The following LAMA2 variants were observed in gnomAD, a reference collection of about 807,000 sequenced individuals.
The protein encoded by LAMA2 is laminin subunit alpha-2.
In LAMA2, 269 loss-of-function variants were observed where a neutral mutation model predicts 364.8. That is an observed-to-expected ratio of 0.74 (90% CI 0.67 to 0.82). The LOEUF (loss-of-function observed/expected upper bound fraction) is 0.82. Among genes scored for constraint, LAMA2 ranks in the 40% least tolerant of loss-of-function variants. LAMA2 has a pLI of 0.00. For synonymous variants in LAMA2, 1,379 were observed against 1,370.6 expected (o/e 1.01, Z -0.14); for missense variants, 3,807 against 3,873.2 (o/e 0.98, Z 0.45).
chr6:129,094,613 T>C (rs576217519), intron 3 of LAMA2, among the ~76,000 whole-genome samples: 12 of 152,324 alleles, frequency 7.9e-5, no homozygotes, highest in African/African-American at 2.9e-4. Flanking sequence ...ATAACCTTAG[T>C]GTAGTCTTAT....
chr6:128,893,208 G>A (rs1045247628), intron 1 of LAMA2, among the ~76,000 whole-genome samples: 3 of 151,726 alleles, frequency 2.0e-5, no homozygotes, highest in East Asian at 1.9e-4. Flanking sequence ...TGTAATGTTC[G>A]AATCTATTTC....
chr6:129,252,421 G>A (rs990262693), intron 14 of LAMA2, 126 bp downstream of exon 14: 1 of 697,904 alleles, frequency 1.4e-6, no homozygotes, highest in East Asian at 2.7e-5. Context: ...AGATAAGAAC[G>A]GAGCCCTAGT....
rs758005823 is a variant in LAMA2, at chr6:129,297,737, A to G, written c.2909A>G (p.Asn970Ser). ...SARGCVPCNC[N>S]SFGSKSFDCE... ...AGGGGCTGTGTTCCCTGCAACTGCA[A>G]TTCTTTTGGGTCTAAGTCATTCGAC... Residue 970 changes from asparagine (N) to serine (S), a missense_variant, in exon 21 of 65, where the codon AAT becomes AGT. Transcript: ENST00000421865. 4.3e-6 allele frequency: 7 copies of G among 1,613,972 alleles called. No individual in the cohort carries two copies. Among genetic ancestry groups the G allele is most frequent in the East Asian group, 2.2e-5 (1 of 44,888 alleles).
chr6:129,384,428 T>C (rs9483027), intron 35 of LAMA2, among the ~76,000 whole-genome samples: 2,806 of 152,250 alleles, frequency 0.018, 79 homozygotes, highest in African/African-American at 0.065. Flanking sequence ...ACCCAACACC[T>C]AGCAGCCCAT....
At chr6:129,290,360 A>G (rs1010188774) in intron 19 of LAMA2, among the ~76,000 whole-genome samples, 1 of 152,186 alleles carries the variant, frequency 6.6e-6, no homozygotes, top group African/African-American at 2.4e-5. Flanking sequence ...GCTATAGACT[A>G]TCCGTAGGCT....
intron 40 of LAMA2, among the ~76,000 whole-genome samples, chr6:129,416,400 G>T (rs1403652256): frequency 6.6e-6 from 1 of 151,906 alleles, no homozygotes; most frequent in Non-Finnish European, 1.5e-5. Context: ...AGAGCTGTTT[G>T]TTTTCTTACT....
At chr6:129,445,530 A>G in intron 44 of LAMA2, 137 bp from the exon 45 acceptor site, 4 of 729,772 alleles carry the variant, frequency 5.5e-6, no homozygotes, top group Admixed American at 4.5e-5. Flanking sequence ...GCCATCACAC[A>G]TTTTGCTTTA....
rs766874168 is a variant in LAMA2, at chr6:129,403,952, C to A, written c.5858C>A (p.Thr1953Lys). 7 of 1,613,712 alleles carry A rather than the reference C, an allele frequency of 4.3e-6. No individual in the cohort carries two copies. The African/African-American group carries it at 8.0e-5, about 18-fold the overall frequency. The part of the protein sequence containing the change: ...KEAKDLAHEA[T>K]KLATGPRGLL... The stretch of plus-strand genomic sequence containing the variant: ...GCCAAAGATCTTGCACATGAAGCTA[C>A]AAAACTGGTAAGAAACAAATGGCAC... Residue 1953 changes from threonine to lysine, a missense_variant, in exon 40 of 65, where the codon ACA becomes AAA. Around this residue, in one of 3 missense-constraint regions of LAMA2, gnomAD observed 3,333 missense variants for 3,345.7 expected, o/e 1.00. Transcript: ENST00000421865.
At chr6:129,492,292 TC>T in intron 57 of LAMA2, 22 bp from the exon 58 acceptor site, 1 of 1,608,910 alleles carries the variant, frequency 6.2e-7, no homozygotes, top group Non-Finnish European at 8.5e-7. Context: ...AATAAAAAAA[TC>T]TTATTTATTA....
intron 8 of LAMA2, chr6:129,157,622 C>T: frequency 6.2e-7 from 1 of 1,612,326 alleles, no homozygotes; most frequent in Non-Finnish European, 8.5e-7. Flanking sequence ...AGCATTCTGA[C>T]ATTAGCTTCA....
intron 1 of LAMA2, among the ~76,000 whole-genome samples, chr6:128,912,898 AT>A (rs1778074135): frequency 6.6e-6 from 1 of 152,212 alleles, no homozygotes; most frequent in South Asian, 2.1e-4. Flanking sequence ...CGATGGGCAG[AT>A]CAGGAAAAGA....
At chr6:129,421,383 A>G (rs1252019425) in intron 40 of LAMA2, among the ~76,000 whole-genome samples, 1 of 151,732 alleles carries the variant, frequency 6.6e-6, no homozygotes, top group Non-Finnish European at 1.5e-5. Flanking sequence ...CCAAGAATTT[A>G]TTGTTTAAAA....
chr6:129,189,486 C>T, intron 10 of LAMA2, among the ~76,000 whole-genome samples: 1 of 151,962 alleles, frequency 6.6e-6, no homozygotes, highest in Non-Finnish European at 1.5e-5. Context: ...AATAATTTTT[C>T]AGTATACTGA....
chr6:129,467,885 AT>A (rs1471475615), intron 51 of LAMA2, among the ~76,000 whole-genome samples: 1 of 151,776 alleles, frequency 6.6e-6, no homozygotes, highest in African/African-American at 2.4e-5. Context: ...AATAGGTCTA[AT>A]TTTTCCAGAT....
At chr6:129,219,743 C>G (rs1457584912) in intron 12 of LAMA2, among the ~76,000 whole-genome samples, 1 of 129,064 alleles carries the variant, frequency 7.7e-6, no homozygotes, top group African/African-American at 2.8e-5. Context: ...AAACAAACAC[C>G]ACATGTTCTC....
chr6:128,967,784 T>C (rs951167180), intron 1 of LAMA2, among the ~76,000 whole-genome samples: 1 of 152,098 alleles, frequency 6.6e-6, no homozygotes, highest in Non-Finnish European at 1.5e-5. Context: ...ATTCCGACTT[T>C]TACACCTCAG....
In LAMA2 at chr6:129,190,303, G is replaced by T; in HGVS notation, c.1566G>T (p.Gly522=). 1 of 1,613,614 alleles carries T rather than the reference G, an allele frequency of 6.2e-7. No homozygotes were observed. Among genetic ancestry groups the T allele is most frequent in the South Asian group, 1.1e-5 (1 of 91,076 alleles). ...WKGCDECFCS[G]VSNRCQSSYW... is the part of the protein sequence containing the mutation. Reference sequence around the variant, plus strand: ...GCTGCGATGAGTGTTTCTGTTCAGGGGTTTCAAACAGATGTCAGAGTTCCT... The same window carrying T: ...GCTGCGATGAGTGTTTCTGTTCAGGTGTTTCAAACAGATGTCAGAGTTCCT... Residue 522 remains glycine, a synonymous_variant, in exon 11 of 65, where the codon GGG becomes GGT. Coordinates refer to ENST00000421865, the MANE Select transcript of LAMA2 (RefSeq NM_000426.4).
chr6:129,323,239 T>A (rs1170354851), intron 28 of LAMA2, among the ~76,000 whole-genome samples: 1 of 152,212 alleles, frequency 6.6e-6, no homozygotes, highest in Non-Finnish European at 1.5e-5. Flanking sequence ...TACATCCCAT[T>A]CCAGTAACAT....
chr6:129,087,368 A>G lies in LAMA2; in HGVS notation c.397-10805A>G, dbSNP rs900440362. On this transcript the variant is annotated intron_variant, in intron 3 of 64. Coordinates refer to ENST00000421865, the MANE Select transcript of LAMA2 (RefSeq NM_000426.4). ...GATTATTAGGAATTATAACATTGGG[A>G]CACACCTTTGTTTAAAAAGCTCTAA... Among the ~76,000 whole-genome samples the G allele has an allele frequency of 3.3e-5, 5 of 152,300 alleles. No individual in the cohort carries two copies. In the East Asian group the frequency reaches 7.7e-4, roughly 24 times the overall value.
Sources: allele counts gnomAD v4.1 joint callset (sites outside exome capture counted in the v4.1 genomes callset), GRCh38; gene constraint gnomAD v4.1.1; regional missense constraint gnomAD v4.1.1; transcripts MANE v1.5; gene names NCBI Gene and HGNC (gene_info 2026-07-23, HGNC 2026-07-21).